Variants in FSTL4 observed in about 807,000 individuals in gnomAD.
FSTL4 encodes the protein follistatin like 4, also known as follistatin-related protein 4.
In FSTL4, 28 loss-of-function variants were observed where a neutral mutation model predicts 78.2. The ratio of observed to expected loss-of-function variants is 0.36; its 90% CI spans 0.27 to 0.49. FSTL4 has a LOEUF of 0.49. FSTL4 is among the 20% of genes least tolerant of loss of function. The probability of loss-of-function intolerance (pLI) is 0.98; values close to 1 mark genes in which losing one functional copy is unlikely to be tolerated. For synonymous variants in FSTL4, 422 were observed against 440.5 expected (o/e 0.96, Z 0.53); for missense variants, 922 against 1,084.9 (o/e 0.85, Z 2.11).
At chr5:133,449,959 C>G (rs1314523169) in intron 3 of FSTL4, among the ~76,000 whole-genome samples, 1 of 152,178 alleles carries the variant, frequency 6.6e-6, no homozygotes, top group Non-Finnish European at 1.5e-5. Flanking sequence ...GGTCAGTTGT[C>G]TAGCAGAAGT....
chr5:133,808,368 T>C, the FSTL4 span, among the ~76,000 whole-genome samples: 10 of 152,124 alleles, frequency 6.6e-5, no homozygotes, highest in African/African-American at 1.7e-4. Context: ...AGCCATGTTG[T>C]TCAATCTGGG....
chr5:133,357,874 C>T (rs919070967), intron 4 of FSTL4, among the ~76,000 whole-genome samples: 3 of 152,182 alleles, frequency 2.0e-5, no homozygotes, highest in East Asian at 1.9e-4. Flanking sequence ...AGGCCTCTGC[C>T]GCCCCCAGCT....
rs556618152 is a variant in FSTL4, at chr5:133,338,016, G to A, written c.410-21364C>T. On this transcript the variant is annotated intron_variant, in intron 4 of 15. Coordinates refer to ENST00000265342, the MANE Select transcript of FSTL4 (RefSeq NM_015082.2). This position sits in a 1 kb window ranked among gnomAD's most constrained non-coding sequence, Gnocchi z 4.0. ...GGGTTTGGGTGGTGAGTATGCGTGC[G>A]GAGGGCTTCTGGCAGGAGAGCTCCA... Among the ~76,000 whole-genome samples the A allele has an allele frequency of 5.3e-5, 8 of 152,294 alleles. No individual in the cohort carries two copies. The highest frequency in any genetic ancestry group is 3.9e-4 in the East Asian group (2 of 5,182).
At chr5:133,752,968 C>G in the FSTL4 span, among the ~76,000 whole-genome samples, 1 of 152,176 alleles carries the variant, frequency 6.6e-6, no homozygotes, top group African/African-American at 2.4e-5. Context: ...AAAACAAGAC[C>G]TCTTTGTGAT....
At chr5:133,295,455 GTTT>G in intron 6 of FSTL4, among the ~76,000 whole-genome samples, 1 of 152,154 alleles carries the variant, frequency 6.6e-6, no homozygotes, top group Admixed American at 6.5e-5. Flanking sequence ...GCTCACGTGT[GTTT>G]GCAAAAGCCT....
At chr5:133,814,477 G>C in the FSTL4 span, among the ~76,000 whole-genome samples, 1 of 152,106 alleles carries the variant, frequency 6.6e-6, no homozygotes, top group East Asian at 1.9e-4. Flanking sequence ...CACCCAGCCC[G>C]GGAGCTAGGT....
At chr5:133,221,953 G>A (rs1269870552) in intron 11 of FSTL4, among the ~76,000 whole-genome samples, 1 of 115,212 alleles carries the variant, frequency 8.7e-6, no homozygotes, top group African/African-American at 3.2e-5. Flanking sequence ...CTGGTATGCT[G>A]GTTTAATGGA....
At chr5:133,813,407 T>G in the FSTL4 span, among the ~76,000 whole-genome samples, 1 of 152,232 alleles carries the variant, frequency 6.6e-6, no homozygotes, top group Non-Finnish European at 1.5e-5. Flanking sequence ...AAGTGTACTT[T>G]ATACACATTG....
the FSTL4 span, among the ~76,000 whole-genome samples, chr5:133,703,362 A>G: frequency 1.3e-5 from 2 of 152,224 alleles, no homozygotes; most frequent in South Asian, 4.2e-4. Context: ...CTGGGAGGAG[A>G]AAGCATTTAC....
At chr5:133,657,845 T>C in the FSTL4 span, among the ~76,000 whole-genome samples, 1 of 151,158 alleles carries the variant, frequency 6.6e-6, no homozygotes, top group South Asian at 2.1e-4. Context: ...CATTTTCTCC[T>C]AGGGACACCT....
the FSTL4 span, among the ~76,000 whole-genome samples, chr5:133,840,398 G>T: frequency 6.6e-6 from 1 of 152,238 alleles, no homozygotes; most frequent in African/African-American, 2.4e-5. Flanking sequence ...AGTAGGTTTA[G>T]TGAGAGCTGT....
chr5:133,592,810 G>C (rs1191112874), intron 2 of FSTL4, among the ~76,000 whole-genome samples: 3 of 152,150 alleles, frequency 2.0e-5, no homozygotes, highest in African/African-American at 7.2e-5. Context: ...ACCAGGAGTG[G>C]AAGCTTCCTG....
intron 6 of FSTL4, among the ~76,000 whole-genome samples, chr5:133,287,114 C>T (rs906803967): frequency 6.6e-6 from 1 of 152,148 alleles, no homozygotes; most frequent in Non-Finnish European, 1.5e-5. Context: ...GTTGGCCGGA[C>T]GCGGTGGCTC....
chr5:133,647,955 G>A, the FSTL4 span, among the ~76,000 whole-genome samples: 1 of 152,126 alleles, frequency 6.6e-6, no homozygotes, highest in Non-Finnish European at 1.5e-5. Flanking sequence ...TCTCATGATA[G>A]TCAATAAGTC....
chr5:133,423,667 A>G (rs1481774442), intron 3 of FSTL4, among the ~76,000 whole-genome samples: 3 of 152,024 alleles, frequency 2.0e-5, no homozygotes, highest in Non-Finnish European at 4.4e-5. Context: ...GACGGCAGGG[A>G]TGGTGGTGGT....
chr5:133,574,591 C>T (rs983014131), intron 2 of FSTL4, among the ~76,000 whole-genome samples: 1 of 152,178 alleles, frequency 6.6e-6, no homozygotes, highest in African/African-American at 2.4e-5. Context: ...CAATTTAACT[C>T]CTAAGTAAAT....
chr5:133,483,000 A>G (rs1758060844), intron 3 of FSTL4, among the ~76,000 whole-genome samples: 1 of 152,174 alleles, frequency 6.6e-6, no homozygotes, highest in East Asian at 1.9e-4. Context: ...CTCATCTTGA[A>G]TTGTAGCTAC....
chr5:133,503,388 C>T (rs1260305538), intron 3 of FSTL4, among the ~76,000 whole-genome samples: 3 of 152,184 alleles, frequency 2.0e-5, no homozygotes, highest in Non-Finnish European at 4.4e-5. Context: ...AAGCGGCTCA[C>T]AAAATTCCTG....
chr5:133,834,640 A>AT, the FSTL4 span, among the ~76,000 whole-genome samples: 1 of 152,172 alleles, frequency 6.6e-6, no homozygotes, highest in Non-Finnish European at 1.5e-5. Context: ...AGAGGTGTTA[A>AT]TTTTCTGAAT....
Sources: allele counts gnomAD v4.1 joint callset (sites outside exome capture counted in the v4.1 genomes callset), GRCh38; gene constraint gnomAD v4.1.1; non-coding constraint Gnocchi (gnomAD v3.1); transcripts MANE v1.5; gene names NCBI Gene and HGNC (gene_info 2026-07-23, HGNC 2026-07-21).